The following SNTG1 variants were observed in gnomAD, a reference collection of about 807,000 sequenced individuals.
SNTG1 encodes gamma-1-syntrophin.
In SNTG1, 39 loss-of-function variants were observed where a neutral mutation model predicts 74.7. That is an observed-to-expected ratio of 0.52 (90% confidence interval 0.40 to 0.68). The LOEUF is 0.68. SNTG1 is among the 30% of genes least tolerant of loss of function. The pLI, the probability that SNTG1 is intolerant of heterozygous loss-of-function variation, is 0.00. For missense variants in SNTG1, 685 were observed against 609.5 expected, an observed-to-expected ratio of 1.12 and a Z score of -1.30; for synonymous variants, 254 against 217.1, an observed-to-expected ratio of 1.17 and a Z score of -1.49.
At chr8:50,598,160 A>C (rs1417579792) in intron 13 of SNTG1, among the ~76,000 whole-genome samples, 1 of 151,818 alleles carries the variant, frequency 6.6e-6, no homozygotes, top group Non-Finnish European at 1.5e-5. Flanking sequence ...AATTTCATGA[A>C]GCAATTTCCC....
chr8:50,280,399 C>T lies in SNTG1; in HGVS notation c.-28+107764C>T, dbSNP rs370758243. 2.6e-4 allele frequency among the ~76,000 whole-genome samples: 39 copies of T among 152,304 alleles called. No individual in the cohort carries two copies. The South Asian group carries it at 6.0e-3, about 23-fold the overall frequency. On this transcript the variant is annotated intron_variant, in intron 2 of 18. Coordinates refer to ENST00000642720, the MANE Select transcript of SNTG1 (RefSeq NM_018967.5). ...TTAAATGTCTCAATGTTCCAGTGAACTTTCTGAATGACCTACATAGCTGTA... is the reference window on the plus strand; with the variant it reads ...TTAAATGTCTCAATGTTCCAGTGAATTTTCTGAATGACCTACATAGCTGTA...
At chr8:50,592,644 A>C (rs554793059) in intron 13 of SNTG1, among the ~76,000 whole-genome samples, 1 of 152,186 alleles carries the variant, frequency 6.6e-6, no homozygotes, top group Non-Finnish European at 1.5e-5. Flanking sequence ...ACACATACTC[A>C]TATGTAAGCA....
At chr8:50,595,028 G>A (rs2094717829) in intron 13 of SNTG1, among the ~76,000 whole-genome samples, 1 of 146,320 alleles carries the variant, frequency 6.8e-6, no homozygotes, top group Admixed American at 6.8e-5. Flanking sequence ...AGATGTGTGT[G>A]TGTGTGTGTG....
At chr8:49,934,087 C>T (rs564154491) in intron 1 of SNTG1, among the ~76,000 whole-genome samples, 38 of 151,998 alleles carry the variant, frequency 2.5e-4, no homozygotes, top group Non-Finnish European at 5.0e-4. Context: ...AGTGTGTGGA[C>T]GTAAGTCTCT....
chr8:50,381,199 A>G (rs1366131841), intron 2 of SNTG1: 2 of 152,118 alleles, frequency 1.3e-5, no homozygotes, highest in Non-Finnish European at 2.9e-5. Context: ...AATTTTAAAA[A>G]TTATTTTCAT....
At chr8:50,290,408 T>C (rs999240124) in intron 2 of SNTG1, among the ~76,000 whole-genome samples, 1 of 152,174 alleles carries the variant, frequency 6.6e-6, no homozygotes, top group Non-Finnish European at 1.5e-5. Flanking sequence ...TCAAGAATCG[T>C]AGGGTGAATA....
intron 1 of SNTG1, among the ~76,000 whole-genome samples, chr8:50,138,366 C>G (rs1002920734): frequency 3.3e-5 from 5 of 151,926 alleles, no homozygotes; most frequent in South Asian, 2.1e-4. Context: ...CCTATAATCC[C>G]AGCACTTTTG....
intron 2 of SNTG1, among the ~76,000 whole-genome samples, chr8:50,247,256 T>C (rs2086442424): frequency 1.3e-5 from 2 of 152,158 alleles, no homozygotes; most frequent in African/African-American, 4.8e-5. Flanking sequence ...AAACTGCTTA[T>C]TTCTTTGGGG....
At chr8:50,606,635 C>CATATTT (rs34238866) in intron 13 of SNTG1, among the ~76,000 whole-genome samples, 91,661 of 151,558 alleles carry the variant, frequency 0.6, 30,204 homozygotes, top group East Asian at 0.78. Context: ...CTGATAAACA[C>CATATTT]ATACCTTGTA....
intron 1 of SNTG1, among the ~76,000 whole-genome samples, chr8:50,025,432 G>A (rs1476908287): frequency 6.6e-6 from 1 of 152,056 alleles, no homozygotes; most frequent in Admixed American, 6.6e-5. Context: ...AAAATTAATG[G>A]AAGCTAAGAA....
At chr8:50,648,928 G>A (rs188587047) in intron 13 of SNTG1, among the ~76,000 whole-genome samples, 246 of 152,082 alleles carry the variant, frequency 1.6e-3, no homozygotes, top group African/African-American at 5.6e-3. Context: ...AACCATGAAT[G>A]CATTCCAAAT....
intron 8 of SNTG1, among the ~76,000 whole-genome samples, chr8:50,486,179 T>G (rs991594721): frequency 2.0e-5 from 3 of 151,734 alleles, no homozygotes; most frequent in African/African-American, 7.3e-5. Context: ...TTTCCAATTC[T>G]GTGAAGAAAG....
rs141115041 is a variant in SNTG1, at chr8:50,180,875, C to T, written c.-28+8240C>T. On this transcript the variant is annotated intron_variant, in intron 2 of 18. Coordinates refer to ENST00000642720, the MANE Select transcript of SNTG1 (RefSeq NM_018967.5). ...TCCCAGGTTCAAGCGACTCTCCGGC[C>T]TCAGCCTCCCGAGTAGCTGGGCTAA... 5.3e-3 allele frequency among the ~76,000 whole-genome samples: 804 copies of T among 151,654 alleles called. 11 individuals are homozygous for T. Among genetic ancestry groups the T allele is most frequent in the African/African-American group, 0.019 (764 of 41,274 alleles).
Position 50,767,078 on chromosome 8 carries a change from G to C in SNTG1, c.1395+14967G>C, listed in dbSNP as rs571217598. On this transcript the variant is annotated intron_variant, in intron 18 of 18. Coordinates refer to ENST00000642720, the MANE Select transcript of SNTG1 (RefSeq NM_018967.5). Reference sequence around the variant, plus strand: ...TCCTTTTCTAAGGAAAATAATCTAAGCAGTGGTGAAAATGGTTCAGAATAG... The same window carrying C: ...TCCTTTTCTAAGGAAAATAATCTAACCAGTGGTGAAAATGGTTCAGAATAG... Among the ~76,000 whole-genome samples, 9 of 151,970 alleles carry C rather than the reference G, an allele frequency of 5.9e-5. No homozygotes were observed. In the East Asian group the frequency reaches 1.8e-3, roughly 30 times the overall value.
At chr8:50,001,149 G>C (rs1814703119) in intron 1 of SNTG1, among the ~76,000 whole-genome samples, 1 of 152,136 alleles carries the variant, frequency 6.6e-6, no homozygotes, top group South Asian at 2.1e-4. Context: ...GTGGGGAGTG[G>C]GTGTGCAGGG....
At chr8:50,107,847 G>C (rs1218681415) in intron 1 of SNTG1, among the ~76,000 whole-genome samples, 1 of 152,048 alleles carries the variant, frequency 6.6e-6, no homozygotes, top group African/African-American at 2.4e-5. Flanking sequence ...CACCATGCCT[G>C]GCTAGAAATC....
At chr8:50,507,491 T>G (rs533528371) in intron 9 of SNTG1, among the ~76,000 whole-genome samples, 123 of 152,238 alleles carry the variant, frequency 8.1e-4, no homozygotes, top group African/African-American at 2.8e-3. Flanking sequence ...TATTAATGAT[T>G]CAATTTCCTT....
At chr8:50,547,387 C>A (rs1435922409) in intron 11 of SNTG1, among the ~76,000 whole-genome samples, 1 of 152,106 alleles carries the variant, frequency 6.6e-6, no homozygotes, top group Non-Finnish European at 1.5e-5. Context: ...TGTTCTTACA[C>A]AATTATGTAG....
At chr8:50,307,535 GAA>G (rs963902561) in intron 2 of SNTG1, among the ~76,000 whole-genome samples, 10 of 151,782 alleles carry the variant, frequency 6.6e-5, no homozygotes, top group African/African-American at 2.2e-4. Flanking sequence ...CTTTATGTCT[GAA>G]AAAAGTATTT....
Sources: allele counts gnomAD v4.1 joint callset (sites outside exome capture counted in the v4.1 genomes callset), GRCh38; gene constraint gnomAD v4.1.1; transcripts MANE v1.5; gene names NCBI Gene and HGNC (gene_info 2026-07-23, HGNC 2026-07-21).